The following ALG6 variants were observed in gnomAD, a reference collection of about 807,000 sequenced individuals.
The protein encoded by ALG6 is dolichyl pyrophosphate Man9GlcNAc2 alpha-1,3-glucosyltransferase.
In ALG6, 46 loss-of-function variants were observed where a neutral mutation model predicts 66.6. That is an observed-to-expected ratio of 0.69 (90% CI 0.55 to 0.88). The LOEUF (loss-of-function observed/expected upper bound fraction) is 0.88, where lower values mean the gene tolerates loss of function less well. Ranked by LOEUF, ALG6 falls within the 40% of genes least tolerant of loss-of-function variation. The probability of loss-of-function intolerance (pLI) is 0.00; values close to 1 mark genes in which losing one functional copy is unlikely to be tolerated. For missense variants in ALG6, 505 were observed against 586.8 expected, an observed-to-expected ratio of 0.86 and a Z score of 1.44; for synonymous variants, 185 against 203.7, an observed-to-expected ratio of 0.91 and a Z score of 0.78.
intron 7 of ALG6, among the ~76,000 whole-genome samples, 190 bp downstream of exon 7, chr1:63,407,316 T>C (rs1464204369): frequency 1.3e-5 from 2 of 152,130 alleles, no homozygotes; most frequent in African/African-American, 4.8e-5. Context: ...TTATTAAAAG[T>C]AGAATTGCTT....
At chr1:63,432,689 C>G (rs1245302874) in intron 14 of ALG6, among the ~76,000 whole-genome samples, 6 of 152,132 alleles carry the variant, frequency 3.9e-5, no homozygotes, top group Non-Finnish European at 7.4e-5. Context: ...AGAGGCAGCT[C>G]AATTATCCAG....
chr1:63,429,462 T>C, intron 14 of ALG6: 1 of 215,558 alleles, frequency 4.6e-6, no homozygotes, highest in Non-Finnish European at 9.3e-6. Context: ...ATGGAATGTA[T>C]TAGTCTGTGA....
chr1:63,399,314 G>C (rs975826666), intron 3 of ALG6, among the ~76,000 whole-genome samples: 1 of 152,194 alleles, frequency 6.6e-6, no homozygotes, highest in Admixed American at 6.5e-5. Flanking sequence ...TGAAACAGAA[G>C]CACAAGAGTG....
chr1:63,393,690 A>G (rs1648737025), intron 2 of ALG6, among the ~76,000 whole-genome samples: 1 of 152,204 alleles, frequency 6.6e-6, no homozygotes, highest in African/African-American at 2.4e-5. Flanking sequence ...TTTGGGTGAG[A>G]ACTCATATAT....
intron 12 of ALG6, 43 bp downstream of exon 12, chr1:63,419,483 A>G (rs370686062): frequency 1.1e-4 from 146 of 1,335,912 alleles, no homozygotes; most frequent in Non-Finnish European, 1.6e-5. Flanking sequence ...TGTTTATAAT[A>G]TAACTTTATA....
At chr1:63,414,685 A>C (rs1454069291) in intron 10 of ALG6, among the ~76,000 whole-genome samples, 2 of 152,236 alleles carry the variant, frequency 1.3e-5, no homozygotes, top group Non-Finnish European at 2.9e-5. Flanking sequence ...GAGTACATTA[A>C]ATACGATTAA....
intron 7 of ALG6, among the ~76,000 whole-genome samples, chr1:63,407,464 C>T (rs542617512): frequency 3.3e-5 from 5 of 151,920 alleles, no homozygotes; most frequent in Non-Finnish European, 4.4e-5. Context: ...TAAATGTTAT[C>T]TGACGTGAAA....
At chr1:63,425,851 C>T (rs971096595) in intron 12 of ALG6, among the ~76,000 whole-genome samples, 1 of 151,754 alleles carries the variant, frequency 6.6e-6, no homozygotes, top group African/African-American at 2.4e-5. Context: ...AAAAGGCCAT[C>T]GAAGCGATGA....
At chr1:63,388,860 T>A (rs1570045385) in intron 2 of ALG6, among the ~76,000 whole-genome samples, 1 of 152,102 alleles carries the variant, frequency 6.6e-6, no homozygotes, top group Non-Finnish European at 1.5e-5. Context: ...GATAAAAGCT[T>A]TTTTTTTCCT....
At position 63,438,134 on chromosome 1, in the gene ALG6, A is replaced by C. The variant is rs1185310130; in HGVS notation, c.*1114A>C. ...ATATAGTGCAAATCAAACCACATAC[A>C]AAAAAAAACTGGTTCTAGACACGGA... is the stretch of plus-strand genomic sequence containing the variant. On this transcript the variant is annotated 3_prime_UTR_variant, in exon 15 of 15. Coordinates refer to ENST00000263440, the MANE Select transcript of ALG6 (RefSeq NM_013339.4). The C allele has an allele frequency of 6.6e-6, 1 of 151,110 alleles. No individual in the cohort carries two copies. The allele number at this position is 151,110 out of a possible 1,614,324, so 9.4% of individuals were successfully genotyped here.
intron 2 of ALG6, among the ~76,000 whole-genome samples, chr1:63,383,603 G>A (rs950105558): frequency 6.6e-6 from 1 of 152,038 alleles, no homozygotes; most frequent in Non-Finnish European, 1.5e-5. Flanking sequence ...TTTGATACAA[G>A]CATACAATGT....
chr1:63,369,312 C>T (rs1234132573), intron 1 of ALG6, among the ~76,000 whole-genome samples: 4 of 152,074 alleles, frequency 2.6e-5, no homozygotes, highest in Non-Finnish European at 4.4e-5. Context: ...GGAGTTATCC[C>T]GTGATGTTTT....
chr1:63,428,710 TA>T (rs1644629851), intron 12 of ALG6, 22 bp from the exon 13 acceptor site: 2 of 1,489,012 alleles, frequency 1.3e-6, no homozygotes, highest in African/African-American at 1.4e-5. Flanking sequence ...AATATTAAAA[TA>T]TTTTTTTCTT....
rs115555948 is a variant in ALG6 at position 63,413,451 on chromosome 1, G to A, written c.817-610G>A. Among the ~76,000 whole-genome samples, 676 of 152,258 alleles carry A rather than the reference G, an allele frequency of 4.4e-3. 5 individuals carry two copies. The highest frequency in any genetic ancestry group is 0.015 in the African/African-American group (622 of 41,544). ...TCTTTGATCCAGCAGAGGAAAGTGG[G>A]ATGATATAGTTGTCAGTGATAGTTA... On this transcript the variant is annotated intron_variant, in intron 9 of 14. Transcript: ENST00000263440.
rs1227131990 is a variant in ALG6 at position 63,411,144 on chromosome 1, A to G, written c.495-2A>G. Reference sequence around the variant, plus strand: ...GAGATAATTTCCTTGACACAGGAACATATATAATTCTGTGAGTCTTGGCTT... The same window carrying G: ...GAGATAATTTCCTTGACACAGGAACGTATATAATTCTGTGAGTCTTGGCTT... On this transcript the variant is annotated splice_acceptor_variant, in intron 7 of 14. Transcript: ENST00000263440. LOFTEE classifies it high-confidence loss of function. 4.3e-6 allele frequency: 7 copies of G among 1,613,720 alleles called. No homozygotes were observed. The highest frequency in any genetic ancestry group is 5.9e-6 in the Non-Finnish European group (7 of 1,179,812).
At position 63,429,060 on chromosome 1, in the gene ALG6, C is replaced by A; in HGVS notation, c.1260C>A (p.Ser420=). The change falls in exon 14 of 15, where the codon TCC becomes TCA. Residue 420 remains serine, a synonymous_variant. Coordinates refer to ENST00000263440, the MANE Select transcript of ALG6 (RefSeq NM_013339.4). ...CTGAAGAAGAACTGCAGTTGAAATC[C>A]TTTTCCATTTCTGTGAGGAAATATC... ...KTSEEELQLK[S]FSISVRKYLP... is the part of the protein sequence containing the mutation. 4 of 1,605,774 alleles carry A rather than the reference C, an allele frequency of 2.5e-6. No homozygotes were observed. Among genetic ancestry groups the A allele is most frequent in the Non-Finnish European group, 3.4e-6 (4 of 1,176,234 alleles).
chr1:63,370,716 A>G, intron 1 of ALG6, 55 bp from the exon 2 acceptor site: 1 of 440,226 alleles, frequency 2.3e-6, no homozygotes, highest in Non-Finnish European at 4.1e-6. Flanking sequence ...TACTGGGTTC[A>G]TTGTTGTAGG....
At chr1:63,422,189 A>C (rs1256462535) in intron 12 of ALG6, among the ~76,000 whole-genome samples, 1 of 126,538 alleles carries the variant, frequency 7.9e-6, no homozygotes, top group African/African-American at 3.0e-5. Context: ...ATTTATATAA[A>C]TATATATCTA....
At chr1:63,386,152 C>T (rs184781604) in intron 2 of ALG6, among the ~76,000 whole-genome samples, 103 of 152,192 alleles carry the variant, frequency 6.8e-4, no homozygotes, top group African/African-American at 2.3e-3. Context: ...TTCTTGCATC[C>T]GTGGGATTTA....
Sources: allele counts gnomAD v4.1 joint callset (sites outside exome capture counted in the v4.1 genomes callset), GRCh38; gene constraint gnomAD v4.1.1; transcripts MANE v1.5; gene names NCBI Gene and HGNC (gene_info 2026-07-23, HGNC 2026-07-21).